RALYL: variants seen among roughly 807,000 people sequenced by gnomAD.
RALYL encodes the protein RALY RNA binding protein like.
In RALYL, 29 loss-of-function variants were observed where a neutral mutation model predicts 35.1. That is an observed-to-expected ratio of 0.83 (90% CI 0.61 to 1.13). The LOEUF (loss-of-function observed/expected upper bound fraction) is 1.13. RALYL is among the 50% of genes most tolerant of loss of function. The pLI, the probability that RALYL is intolerant of heterozygous loss-of-function variation, is 0.00. For synonymous variants in RALYL, 120 were observed against 127.6 expected, an observed-to-expected ratio of 0.94 and a Z score of 0.40; for missense variants, 359 against 360.4, an observed-to-expected ratio of 1.00 and a Z score of 0.03.
intron 7 of RALYL, among the ~76,000 whole-genome samples, chr8:84,874,888 G>A (rs1296116087): frequency 6.6e-6 from 1 of 152,104 alleles, no homozygotes; most frequent in African/African-American, 2.4e-5. Flanking sequence ...ACACACCCAT[G>A]TACAGGCAAA....
intron 2 of RALYL, among the ~76,000 whole-genome samples, chr8:84,587,843 A>G (rs1812343579): frequency 6.6e-6 from 1 of 152,178 alleles, no homozygotes; most frequent in Non-Finnish European, 1.5e-5. Flanking sequence ...ATTCACAATA[A>G]CTGAGTACAT....
chr8:84,508,849 A>G (rs1023193058), intron 1 of RALYL, among the ~76,000 whole-genome samples: 1 of 120,796 alleles, frequency 8.3e-6, no homozygotes. Flanking sequence ...AAATTATAAT[A>G]AAAACAATCT....
At chr8:84,661,995 G>A (rs1424193221) in intron 2 of RALYL, among the ~76,000 whole-genome samples, 1 of 150,872 alleles carries the variant, frequency 6.6e-6, no homozygotes, top group Non-Finnish European at 1.5e-5. Context: ...CCAGATTTAA[G>A]GTAGCTTTTC....
At chr8:84,511,322 T>C (rs2057597839) in intron 1 of RALYL, among the ~76,000 whole-genome samples, 3 of 152,204 alleles carry the variant, frequency 2.0e-5, no homozygotes. Flanking sequence ...CATTCATGCA[T>C]AATAGGTATA....
At chr8:84,530,736 G>A (rs974038914) in intron 2 of RALYL, among the ~76,000 whole-genome samples, 3 of 152,006 alleles carry the variant, frequency 2.0e-5, no homozygotes, top group Non-Finnish European at 2.9e-5. Flanking sequence ...AACCTCTAAT[G>A]CCTTTCTCAT....
chr8:84,496,684 A>G (rs746127717), intron 1 of RALYL, among the ~76,000 whole-genome samples: 6 of 152,154 alleles, frequency 3.9e-5, no homozygotes, highest in Non-Finnish European at 7.4e-5. Flanking sequence ...TCTAAAATAT[A>G]TCTGTATCTA....
At chr8:84,373,574 A>G (rs58274758) in intron 1 of RALYL, among the ~76,000 whole-genome samples, 5,141 of 151,894 alleles carry the variant, frequency 0.034, 289 homozygotes, top group African/African-American at 0.12. Flanking sequence ...TCCATTGGTC[A>G]ATGTGTCTGT....
intron 2 of RALYL, among the ~76,000 whole-genome samples, chr8:84,667,182 T>C (rs1008177532): frequency 6.6e-6 from 1 of 152,092 alleles, no homozygotes; most frequent in Non-Finnish European, 1.5e-5. Flanking sequence ...TTTTTACTTT[T>C]TTTTTCTCCT....
intron 1 of RALYL, among the ~76,000 whole-genome samples, chr8:84,431,884 C>A (rs2047182747): frequency 6.6e-6 from 1 of 152,134 alleles, no homozygotes; most frequent in Non-Finnish European, 1.5e-5. Flanking sequence ...CATACTGATT[C>A]ATTTCCTTTG....
At chr8:84,384,734 CTGTGGAT>C (rs1190586004) in intron 1 of RALYL, among the ~76,000 whole-genome samples, 2 of 151,766 alleles carry the variant, frequency 1.3e-5, no homozygotes, top group African/African-American at 4.8e-5. Flanking sequence ...ATCCTTCGCT[CTGTGGAT>C]TGACACCAGT....
chr8:84,807,640 G>A, intron 4 of RALYL, among the ~76,000 whole-genome samples: 1 of 152,140 alleles, frequency 6.6e-6, no homozygotes, highest in Admixed American at 6.5e-5. Context: ...CAGCAGTGTA[G>A]AAGTGTTCCC....
intron 1 of RALYL, among the ~76,000 whole-genome samples, chr8:84,313,555 G>T (rs563687402): frequency 2.0e-5 from 3 of 152,054 alleles, no homozygotes; most frequent in Admixed American, 6.6e-5. Flanking sequence ...TGAATACTTT[G>T]CTGCTTGGAA....
At chr8:84,533,687 A>G (rs1174576177) in intron 2 of RALYL, among the ~76,000 whole-genome samples, 3 of 152,192 alleles carry the variant, frequency 2.0e-5, no homozygotes, top group East Asian at 3.8e-4. Context: ...AAGAATATAT[A>G]AAGCAGAGAA....
At chr8:84,432,373 G>A (rs2047236754) in intron 1 of RALYL, among the ~76,000 whole-genome samples, 1 of 152,096 alleles carries the variant, frequency 6.6e-6, no homozygotes, top group African/African-American at 2.4e-5. Context: ...GCCAGGAGTT[G>A]AGGGGAGGGG....
chr8:84,209,438 C>A (rs1015229636), intron 1 of RALYL, among the ~76,000 whole-genome samples: 1 of 152,160 alleles, frequency 6.6e-6, no homozygotes, highest in African/African-American at 2.4e-5. Context: ...ACTCTAAAAG[C>A]TTCCTTTTGT....
At chr8:84,892,208 G>A (rs1161846173) in intron 8 of RALYL, among the ~76,000 whole-genome samples, 4 of 152,064 alleles carry the variant, frequency 2.6e-5, no homozygotes, top group Non-Finnish European at 5.9e-5. Context: ...TGTGCACCAG[G>A]TGCTACCAAA....
At chr8:84,562,662 TACTA>T (rs1022337602) in intron 2 of RALYL, among the ~76,000 whole-genome samples, 6 of 131,256 alleles carry the variant, frequency 4.6e-5, no homozygotes, top group East Asian at 2.0e-4. Flanking sequence ...TAAAAATCAC[TACTA>T]ACTAACAACC....
chr8:84,582,896 A>G (rs920815261), intron 2 of RALYL, among the ~76,000 whole-genome samples: 2 of 152,100 alleles, frequency 1.3e-5, no homozygotes, highest in Non-Finnish European at 2.9e-5. Flanking sequence ...TGTTAATTTT[A>G]CAATGCTTTT....
intron 1 of RALYL, among the ~76,000 whole-genome samples, chr8:84,212,347 C>A (rs1043542922): frequency 3.3e-5 from 5 of 152,040 alleles, no homozygotes; most frequent in Non-Finnish European, 7.4e-5. Flanking sequence ...TATTTACCTA[C>A]GTTTGTATTT....
Sources: allele counts gnomAD v4.1 joint callset (sites outside exome capture counted in the v4.1 genomes callset), GRCh38; gene constraint gnomAD v4.1.1; transcripts MANE v1.5; gene names NCBI Gene and HGNC (gene_info 2026-07-23, HGNC 2026-07-21).